The following CHM variants were observed in gnomAD, a reference collection of about 807,000 sequenced individuals.
CHM encodes rab proteins geranylgeranyltransferase component A 1.
CHM carries 10 observed loss-of-function variants against 49.0 expected under a neutral mutation model. That is an observed-to-expected ratio of 0.20 (90% CI 0.13 to 0.35). The LOEUF is 0.35. Ranked by LOEUF, CHM falls within the 10% of genes least tolerant of loss-of-function variation. The pLI, the probability that CHM is intolerant of heterozygous loss-of-function variation, is 1.00. For synonymous variants in CHM, 184 were observed against 167.5 expected (o/e 1.10, Z -0.76); for missense variants, 455 against 478.4 (o/e 0.95, Z 0.46).
At chrX:86,015,091 C>T (rs1404120390) in intron 2 of CHM, among the ~76,000 whole-genome samples, 1 of 109,915 alleles carries the variant, frequency 9.1e-6, no homozygotes, top group Non-Finnish European at 1.9e-5. Flanking sequence ...GGAATAGAAA[C>T]TTCTTCATGT....
intron 2 of CHM, among the ~76,000 whole-genome samples, chrX:86,013,227 TC>T (rs1239847343): frequency 9.0e-6 from 1 of 110,966 alleles, no homozygotes; most frequent in African/African-American, 3.3e-5. Context: ...GTATCCTCAT[TC>T]TTCCTGAACA....
At chrX:85,974,659 T>C (rs895003056) in intron 4 of CHM, among the ~76,000 whole-genome samples, 2 of 110,603 alleles carry the variant, frequency 1.8e-5, no homozygotes, top group Admixed American at 1.9e-4. Flanking sequence ...TTTCAATAAA[T>C]GGTGTTGAAG....
intron 4 of CHM, among the ~76,000 whole-genome samples, chrX:85,968,284 T>C (rs1363640339): frequency 1.8e-5 from 2 of 112,318 alleles, no homozygotes; most frequent in Non-Finnish European, 3.8e-5. Flanking sequence ...TAGATATATA[T>C]TTCCCAGTTT....
intron 8 of CHM, among the ~76,000 whole-genome samples, chrX:85,920,105 T>A (rs181069632): frequency 0.03 from 3,296 of 109,685 alleles, 48 homozygotes; most frequent in Non-Finnish European, 0.047. Context: ...TATTTTTATT[T>A]TTTTTTTTGA....
intron 3 of CHM, 107 bp downstream of exon 3, chrX:85,981,626 TAAAG>T (rs1916924689): frequency 1.9e-6 from 1 of 539,730 alleles, no homozygotes; most frequent in Non-Finnish European, 3.0e-6. Context: ...TGAATAAAAA[TAAAG>T]AATCAATCCT....
chrX:85,928,823 T>C (rs941129701), intron 8 of CHM, among the ~76,000 whole-genome samples: 4 of 110,955 alleles, frequency 3.6e-5, no homozygotes, highest in Non-Finnish European at 5.7e-5. Flanking sequence ...TGGAGGGAGA[T>C]CAGAGAAAAA....
chrX:85,944,626 G>T (rs1220953478), intron 8 of CHM, among the ~76,000 whole-genome samples: 1 of 111,958 alleles, frequency 8.9e-6, no homozygotes, highest in Non-Finnish European at 1.9e-5. Flanking sequence ...AAAGCTGTAA[G>T]TTAGACAGCT....
chrX:85,903,837 GATGGTCACAT>G (rs1372965348), intron 9 of CHM: 1 of 306,102 alleles, frequency 3.3e-6, no homozygotes, highest in Non-Finnish European at 6.4e-6. Flanking sequence ...AAATTGAGGT[GATGGTCACAT>G]ATGCCCAAGT....
intron 4 of CHM, among the ~76,000 whole-genome samples, chrX:85,965,411 G>C (rs1316800803): frequency 9.0e-6 from 1 of 111,412 alleles, no homozygotes; most frequent in Admixed American, 9.6e-5. Context: ...TAGTTTTCCA[G>C]TATATCCTTT....
At position 85,968,334 on chromosome X, in the gene CHM, G is replaced by A. The variant is rs772993549; in HGVS notation, c.315-4282C>T. Among the ~76,000 whole-genome samples, 102 of 112,210 alleles carry A rather than the reference G, an allele frequency of 9.1e-4. 1 individual carries two copies. Among genetic ancestry groups the A allele is most frequent in the Non-Finnish European group, 1.8e-3 (96 of 53,205 alleles). On this transcript the variant is annotated intron_variant, in intron 4 of 14. Transcript: ENST00000357749. ...ACGTTAACACATACTATAGAATACA[G>A]GTGAAATGTCAACCTCTTGTCATGT... is the stretch of plus-strand genomic sequence containing the variant.
At chrX:85,913,711 A>G (rs978904114) in intron 8 of CHM, among the ~76,000 whole-genome samples, 1 of 111,306 alleles carries the variant, frequency 9.0e-6, no homozygotes, top group Non-Finnish European at 1.9e-5. Context: ...TAATAAAAAG[A>G]TCCATGAATG....
intron 4 of CHM, among the ~76,000 whole-genome samples, chrX:85,974,252 G>A (rs887029593): frequency 1.3e-4 from 15 of 111,846 alleles, no homozygotes; most frequent in Non-Finnish European, 2.8e-4. Context: ...AATCAAAGAT[G>A]AGCTTCATAA....
intron 4 of CHM, among the ~76,000 whole-genome samples, chrX:85,977,973 T>C (rs1268014758): frequency 1.8e-5 from 2 of 112,131 alleles, no homozygotes; most frequent in Non-Finnish European, 3.8e-5. Context: ...TGACAAAGCG[T>C]ATCCTGAAGA....
chrX:85,985,607 C>CA (rs1931862415), intron 2 of CHM, among the ~76,000 whole-genome samples: 1 of 112,026 alleles, frequency 8.9e-6, no homozygotes, highest in African/African-American at 3.2e-5. Context: ...CATTCCTCCT[C>CA]ATGAGGCAGG....
intron 3 of CHM, among the ~76,000 whole-genome samples, chrX:85,980,298 T>TTTA (rs1369207518): frequency 8.9e-6 from 1 of 111,849 alleles, no homozygotes; most frequent in African/African-American, 3.2e-5. Context: ...AATACATGAA[T>TTTA]ATTTAAGCAC....
chrX:85,961,418 C>CAA (rs1204463688), intron 5 of CHM, among the ~76,000 whole-genome samples: 1,337 of 23,924 alleles, frequency 0.056, 118 homozygotes, highest in African/African-American at 0.17. Context: ...GACTCTGTCT[C>CAA]AAAAAAAAAA....
At chrX:86,032,223 C>A (rs1222213961) in intron 1 of CHM, among the ~76,000 whole-genome samples, 2 of 112,271 alleles carry the variant, frequency 1.8e-5, no homozygotes, top group African/African-American at 6.5e-5. Flanking sequence ...GAGTTAGAAA[C>A]AGATAACCTA....
chrX:85,917,546 A>G (rs1927529947), intron 8 of CHM, among the ~76,000 whole-genome samples: 1 of 111,755 alleles, frequency 8.9e-6, no homozygotes, highest in South Asian at 3.7e-4. Flanking sequence ...CTAGCTCTAT[A>G]GCAGTGGTTC....
At chrX:85,915,195 G>A (rs1288935052) in intron 8 of CHM, among the ~76,000 whole-genome samples, 1 of 111,279 alleles carries the variant, frequency 9.0e-6, no homozygotes, top group Admixed American at 9.6e-5. Context: ...AAAACCTCGG[G>A]CCAATATCCT....
Sources: gnomAD v4.1 joint callset for allele counts (sites outside exome capture counted in the v4.1 genomes callset) on GRCh38, gnomAD v4.1.1 for gene constraint, MANE v1.5 for transcripts, NCBI Gene and HGNC (gene_info 2026-07-23, HGNC 2026-07-21) for gene names.